TP73: variants seen among roughly 807,000 people sequenced by gnomAD.
TP73 encodes the protein tumor protein p73, also known as p53-like transcription factor.
Under a neutral mutation model 62.5 loss-of-function variants are expected in TP73, and 25 were observed. That is an observed-to-expected ratio of 0.40 (90% CI 0.29 to 0.56). The LOEUF is 0.56. TP73 is among the 20% of genes least tolerant of loss of function. The probability of loss-of-function intolerance (pLI) is 0.46; values close to 1 mark genes in which losing one functional copy is unlikely to be tolerated. For missense variants in TP73, 754 were observed against 913.3 expected (o/e 0.83, Z 2.25); for synonymous variants, 423 against 377.5 (o/e 1.12, Z -1.40).
chr1:3,685,290 C>T (rs1401946023), intron 3 of TP73, among the ~76,000 whole-genome samples: 2 of 152,180 alleles, frequency 1.3e-5, no homozygotes, highest in Admixed American at 6.5e-5. Flanking sequence ...AGCTCCATAT[C>T]GGGGTCTGGT....
Position 3,722,214 on chromosome 1 carries a change from G to T in TP73, c.616+7G>T. On this transcript the variant is annotated splice_region_variant and intron_variant, in intron 5 of 13. Transcript: ENST00000378295. ...GGGAGGGACTTCAACGAAGGTGAGG[G>T]CCCCCAGCTCCTCTGCCCACGGTGG... is the stretch of plus-strand genomic sequence containing the variant. 6.2e-7 allele frequency: 1 copy of T among 1,612,328 alleles called. No individual in the cohort carries two copies.
At chr1:3,698,209 G>A in intron 3 of TP73, 1 of 838,366 alleles carries the variant, frequency 1.2e-6, no homozygotes, top group Non-Finnish European at 1.4e-6. Context: ...CAGGATGTCA[G>A]GGCTGACACC....
chr1:3,677,504 T>C (rs949564931), intron 1 of TP73, among the ~76,000 whole-genome samples: 1 of 152,128 alleles, frequency 6.6e-6, no homozygotes, highest in African/African-American at 2.4e-5. Context: ...CCAGCACAAC[T>C]GTCCTTTGCA....
intron 1 of TP73, among the ~76,000 whole-genome samples, chr1:3,675,994 G>C (rs1645356620): frequency 6.6e-6 from 1 of 152,070 alleles, no homozygotes; most frequent in Admixed American, 6.5e-5. Flanking sequence ...AGGGCAGGAA[G>C]GGGGTGGTAG....
intron 4 of TP73, chr1:3,707,993 G>A: frequency 1.3e-6 from 1 of 790,350 alleles, no homozygotes; most frequent in Non-Finnish European, 2.0e-6. Flanking sequence ...CTCTAGACGT[G>A]AGTGGCCAGA....
chr1:3,697,160 G>A (rs1056176263), intron 3 of TP73, among the ~76,000 whole-genome samples: 8 of 107,630 alleles, frequency 7.4e-5, no homozygotes, highest in East Asian at 4.7e-4. Context: ...GGCCCACCTC[G>A]CACCCGCGGC....
chr1:3,693,786 T>C, intron 3 of TP73, among the ~76,000 whole-genome samples: 1 of 119,166 alleles, frequency 8.4e-6, no homozygotes, highest in African/African-American at 3.8e-5. Context: ...CCTCAGCCCC[T>C]CCTCCCGCAA....
chr1:3,707,412 G>A (rs1352049513), intron 3 of TP73, 137 bp from the exon 4 acceptor site: 3 of 1,264,488 alleles, frequency 2.4e-6, no homozygotes, highest in Admixed American at 2.2e-5. Flanking sequence ...GTTGGGATGG[G>A]GGAGAGACCC....
intron 3 of TP73, among the ~76,000 whole-genome samples, chr1:3,684,576 G>C (rs976672970): frequency 1.3e-5 from 2 of 152,190 alleles, no homozygotes; most frequent in Non-Finnish European, 2.9e-5. Context: ...GAAGCGGGGT[G>C]GGGGAGTGTA....
Position 3,660,766 on chromosome 1 carries a change from T to C in TP73, c.-34+8125T>C, listed in dbSNP as rs1418524414. Among the ~76,000 whole-genome samples, 6 of 152,372 alleles carry C rather than the reference T, an allele frequency of 3.9e-5. No homozygotes were observed. The South Asian group carries it at 1.0e-3, about 26-fold the overall frequency. ...AGACACAACATTTTAGAATTATAGT[T>C]GCTTGCAAAAGCTTTCGGGAAAGCA... On this transcript the variant is annotated intron_variant, in intron 1 of 13. Transcript: ENST00000378295.
rs1033773342 is a variant in TP73, at chr1:3,672,588, TGG to T, written c.-33-9744_-33-9743del. 3.9e-5 allele frequency among the ~76,000 whole-genome samples: 6 copies of T among 152,048 alleles called. No individual in the cohort carries two copies. Among genetic ancestry groups the T allele is most frequent in the African/African-American group, 1.4e-4 (6 of 41,386 alleles). On this transcript the variant is annotated intron_variant, in intron 1 of 13. Transcript: ENST00000378295. The surrounding 1 kb of genome is among the most constrained non-coding windows in gnomAD (Gnocchi z 5.3). ...CATAAGCTCCGCTCTGTCCCAGCCC[TGG>T]ACCCCTCACCCCCTATCCTTGGCAG...
intron 6 of TP73, among the ~76,000 whole-genome samples, chr1:3,724,985 C>T (rs1346052343): frequency 6.6e-6 from 1 of 151,890 alleles, no homozygotes; most frequent in African/African-American, 2.4e-5. Context: ...CGCCATTGCA[C>T]TCCAGCCTGG....
At chr1:3,720,656 C>T (rs1398273385) in intron 4 of TP73, among the ~76,000 whole-genome samples, 1 of 152,256 alleles carries the variant, frequency 6.6e-6, no homozygotes, top group East Asian at 1.9e-4. Context: ...AGCTCCATCT[C>T]CCCTGTCTCT....
In TP73 at chr1:3,696,758, G is replaced by C. The variant is rs1287417187; in HGVS notation, c.187-10791G>C. On this transcript the variant is annotated intron_variant, in intron 3 of 13. Transcript: ENST00000378295. The surrounding 1 kb of genome is among the most constrained non-coding windows in gnomAD (Gnocchi z 4.1). ...CCTCTCCAGGCCTTGTGTCATGAAA[G>C]ACCCCGAGCAGCGGTGGGGCTCAAG... Among the ~76,000 whole-genome samples, 2 of 152,132 alleles carry C rather than the reference G, an allele frequency of 1.3e-5. No individual in the cohort carries two copies. Among genetic ancestry groups the C allele is most frequent in the Non-Finnish European group, 2.9e-5 (2 of 68,014 alleles).
rs1642319623 is a variant in TP73, at chr1:3,733,931, T to TG, written c.*852_*853insG. On this transcript the variant is annotated 3_prime_UTR_variant, in exon 14 of 14. Coordinates refer to ENST00000378295, the MANE Select transcript of TP73 (RefSeq NM_005427.4). ...CATGGTGGGTCAGCTTTTTTTTTTT[T>TG]TTTTTTAACTTTCTTTCTCAGCATT... The TG allele has an allele frequency of 6.6e-6, 1 of 150,960 alleles. No homozygotes were observed. Among genetic ancestry groups the TG allele is most frequent in the African/African-American group, 2.5e-5 (1 of 40,710 alleles). The allele number at this position is 150,960 out of a possible 1,614,324, so 9.4% of individuals were successfully genotyped here.
intron 3 of TP73, among the ~76,000 whole-genome samples, chr1:3,685,991 G>A (rs3765717): frequency 0.18 from 27,884 of 152,220 alleles, 2,792 homozygotes; most frequent in Admixed American, 0.27. Context: ...GGATGTTTCC[G>A]GGGCTACCGA....
At position 3,701,851 on chromosome 1, in the gene TP73, A is replaced by G. The variant is rs1639197582; in HGVS notation, c.187-5698A>G. On this transcript the variant is annotated intron_variant, in intron 3 of 13. Coordinates refer to ENST00000378295, the MANE Select transcript of TP73 (RefSeq NM_005427.4). The surrounding 1 kb of genome is among the most constrained non-coding windows in gnomAD (Gnocchi z 4.7). The stretch of plus-strand genomic sequence containing the variant: ...TCCCCACTCTGCAGATGAGAAAACG[A>G]AGACCTAGGGAGGTGGAGCGATGGG... Among the ~76,000 whole-genome samples the G allele has an allele frequency of 6.6e-6, 1 of 152,202 alleles. No individual in the cohort carries two copies. Among genetic ancestry groups the G allele is most frequent in the South Asian group, 2.1e-4 (1 of 4,830 alleles).
chr1:3,658,463 C>T (rs1228536532), intron 1 of TP73, among the ~76,000 whole-genome samples: 2 of 152,078 alleles, frequency 1.3e-5, no homozygotes, highest in South Asian at 4.1e-4. Flanking sequence ...GGAAAGGGGG[C>T]CTGGGCTTCT....
chr1:3,673,596 C>G (rs1645293602), intron 1 of TP73, among the ~76,000 whole-genome samples: 1 of 152,208 alleles, frequency 6.6e-6, no homozygotes, highest in Non-Finnish European at 1.5e-5. Context: ...TAGAGCGCGG[C>G]AGAGGTGGGC....
Sources: gnomAD v4.1 joint callset for allele counts (sites outside exome capture counted in the v4.1 genomes callset) on GRCh38, gnomAD v4.1.1 for gene constraint, Gnocchi (gnomAD v3.1) non-coding constraint, MANE v1.5 for transcripts, NCBI Gene and HGNC (gene_info 2026-07-23, HGNC 2026-07-21) for gene names.